The following IDH1 variants were observed in gnomAD, a reference collection of about 807,000 sequenced individuals.
The protein encoded by IDH1 is isocitrate dehydrogenase (NADP(+)) 1, also known as isocitrate dehydrogenase [NADP] cytoplasmic.
In IDH1, 33 loss-of-function variants were observed where a neutral mutation model predicts 46.1. The ratio of observed to expected loss-of-function variants is 0.72; its 90% CI spans 0.54 to 0.96. The LOEUF (loss-of-function observed/expected upper bound fraction) is 0.96. Among genes scored for constraint, IDH1 ranks in the 40% least tolerant of loss-of-function variants. The pLI, the probability that IDH1 is intolerant of heterozygous loss-of-function variation, is 0.00. For missense variants in IDH1, 421 were observed against 515.7 expected (o/e 0.82, Z 1.78); for synonymous variants, 144 against 172.8 (o/e 0.83, Z 1.31).
chr2:208,249,536 A>C (rs1688085188), intron 3 of IDH1, among the ~76,000 whole-genome samples: 3 of 152,246 alleles, frequency 2.0e-5, no homozygotes, highest in Admixed American at 1.3e-4. Context: ...GGGAGCATAG[A>C]AAATGACTGC....
At chr2:208,246,635 TA>T (rs369672159) in intron 4 of IDH1, among the ~76,000 whole-genome samples, 12 of 136,386 alleles carry the variant, frequency 8.8e-5, no homozygotes, top group Admixed American at 1.5e-4. Context: ...CCAAAATAAT[TA>T]AAAAAAAAAA....
Position 208,241,408 on chromosome 2 carries a change from T to C in IDH1, c.850+586A>G, listed in dbSNP as rs1413899916. On this transcript the variant is annotated intron_variant, in intron 7 of 9. Coordinates refer to ENST00000345146, the MANE Select transcript of IDH1 (RefSeq NM_005896.4). ...TGGCTAATTTTTTTTTTTTTTTTTT[T>C]TTGAAGTAGAGATGGGGTTTTGCTA... Among the ~76,000 whole-genome samples, 4 of 151,390 alleles carry C rather than the reference T, an allele frequency of 2.6e-5. No individual in the cohort carries two copies. In the East Asian group the frequency reaches 5.9e-4, roughly 22 times the overall value.
chr2:208,239,773 G>A, intron 8 of IDH1, 90 bp downstream of exon 8: 1 of 1,253,096 alleles, frequency 8.0e-7, no homozygotes, highest in Non-Finnish European at 1.2e-6. Context: ...TGATGACTTT[G>A]CACACAAAAC....
At chr2:208,249,312 C>G (rs758021435) in intron 3 of IDH1, among the ~76,000 whole-genome samples, 20 of 152,128 alleles carry the variant, frequency 1.3e-4, no homozygotes, top group Non-Finnish European at 2.6e-4. Flanking sequence ...GCCTCAGCCT[C>G]CCCAGTAGCG....
intron 9 of IDH1, among the ~76,000 whole-genome samples, chr2:208,238,464 C>A (rs769019424): frequency 7.2e-5 from 11 of 152,282 alleles, no homozygotes; most frequent in Middle Eastern, 3.4e-3. Context: ...GACAATCCCC[C>A]CAGGATACTG....
In IDH1 at chr2:208,237,080, T is replaced by C; in HGVS notation, c.1244A>G (p.Ter415=). Residue 415 remains the stop codon, a stop_retained_variant, in exon 10 of 10, where the codon TAA becomes TGA. Coordinates refer to ENST00000345146, the MANE Select transcript of IDH1 (RefSeq NM_005896.4). The part of the protein sequence containing the change: ...LKIKLAQAKL[*] Reference sequence around the variant, plus strand: ...ATCCTTCTTAGCTCAGGTATGAACTTAAAGTTTGGCCTGAGCTAGTTTGAT... The same window carrying C: ...ATCCTTCTTAGCTCAGGTATGAACTCAAAGTTTGGCCTGAGCTAGTTTGAT... 6.4e-7 allele frequency: 1 copy of C among 1,557,690 alleles called. No homozygotes were observed.
At chr2:208,237,839 T>C (rs1176303921) in intron 9 of IDH1, among the ~76,000 whole-genome samples, 1 of 149,332 alleles carries the variant, frequency 6.7e-6, no homozygotes, top group Non-Finnish European at 1.5e-5. Context: ...GGCAGAAGAA[T>C]CACTTGAACC....
rs2124849240 is a variant in IDH1, at chr2:208,240,022, G to A, written c.851-19C>T. ...CCATACCCTGTAAGTAGTGGAGCAT[G>A]AAGCGTTGGGTCCAACTGCATGAAG... is the stretch of plus-strand genomic sequence containing the variant. On this transcript the variant is annotated intron_variant, in intron 7 of 9. Transcript: ENST00000345146. The A allele has an allele frequency of 1.2e-6, 2 of 1,614,058 alleles. No homozygotes were observed. The highest frequency in any genetic ancestry group is 1.7e-6 in the Non-Finnish European group (2 of 1,179,922).
chr2:208,242,822 T>G lies in IDH1; in HGVS notation c.698+605A>C, dbSNP rs181621415. Reference sequence around the variant, plus strand: ...CTCTGTCGCCCAGGCTGCAGTGCAGTGGCGTGATTTCGGCTCACTGCAACC... The same window carrying G: ...CTCTGTCGCCCAGGCTGCAGTGCAGGGGCGTGATTTCGGCTCACTGCAACC... On this transcript the variant is annotated intron_variant, in intron 6 of 9. Coordinates refer to ENST00000345146, the MANE Select transcript of IDH1 (RefSeq NM_005896.4). Among the ~76,000 whole-genome samples, 164 of 151,918 alleles carry G rather than the reference T, an allele frequency of 1.1e-3. 1 individual carries two copies. Among genetic ancestry groups the G allele is most frequent in the African/African-American group, 3.9e-3 (160 of 41,444 alleles).
At chr2:208,249,590 A>C (rs1399690987) in intron 3 of IDH1, among the ~76,000 whole-genome samples, 1 of 152,230 alleles carries the variant, frequency 6.6e-6, no homozygotes, top group East Asian at 1.9e-4. Flanking sequence ...AAAAGCAAGA[A>C]AACAAAATAA....
In IDH1 at chr2:208,242,104, T is replaced by A. The variant is rs969824858; in HGVS notation, c.740A>T (p.Glu247Val). 3.7e-6 allele frequency: 6 copies of A among 1,613,962 alleles called. No homozygotes were observed. The highest frequency in any genetic ancestry group is 5.1e-6 in the Non-Finnish European group (6 of 1,179,958). The change falls in exon 7 of 10, where the codon GAG (glutamate) becomes GTG (valine). Residue 247 changes from glutamate to valine, a missense_variant. By Grantham distance (121) the Glu-to-Val change is moderately radical. Coordinates refer to ENST00000345146, the MANE Select transcript of IDH1 (RefSeq NM_005896.4). ...CACCATGTCGTCGATGAGCCTATGC[T>A]CATACCAGATCTTTTGAGCTTCAAA... is the stretch of plus-strand genomic sequence containing the variant. ...SQFEAQKIWY[E>V]HRLIDDMVAQ...
intron 5 of IDH1, among the ~76,000 whole-genome samples, chr2:208,244,800 T>C (rs746816068): frequency 7.2e-5 from 11 of 152,190 alleles, no homozygotes; most frequent in Non-Finnish European, 1.6e-4. Context: ...TCAACAACTT[T>C]TGGGTGGGAT....
Position 208,254,966 on chromosome 2 carries a change from T to C in IDH1, c.-118A>G, listed in dbSNP as rs1442585872. On this transcript the variant is annotated 5_prime_UTR_variant, in exon 1 of 10. Coordinates refer to ENST00000345146, the MANE Select transcript of IDH1 (RefSeq NM_005896.4). ...GCCGGGATGATATGCTGGCGAAGAG[T>C]TGGGGCGCCACAGCCGCTCACAAGC... is the stretch of plus-strand genomic sequence containing the variant. 2.6e-5 allele frequency: 4 copies of C among 152,208 alleles called. No individual in the cohort carries two copies. The highest frequency in any genetic ancestry group is 7.2e-5 in the African/African-American group (3 of 41,386). The allele number at this position is 152,208 out of a possible 1,614,324, so 9.4% of individuals were successfully genotyped here.
At chr2:208,243,398 AG>A (rs748795422) in intron 6 of IDH1, 28 bp downstream of exon 6, 1 of 1,541,778 alleles carries the variant, frequency 6.5e-7, no homozygotes, top group Non-Finnish European at 9.0e-7. Flanking sequence ...TTGAGAATAA[AG>A]AAAAAGTTAA....
chr2:208,248,144 GA>G (rs1004518060), intron 4 of IDH1: 62 of 573,436 alleles, frequency 1.1e-4, no homozygotes, highest in African/African-American at 4.9e-4. Context: ...CAGCATGTTT[GA>G]AAAAAAATGT....
intron 6 of IDH1, 40 bp from the exon 7 acceptor site, chr2:208,242,185 A>G (rs1290911735): frequency 1.9e-6 from 3 of 1,597,642 alleles, no homozygotes; most frequent in Non-Finnish European, 2.6e-6. Flanking sequence ...AATAAAGAAA[A>G]TTGATTTTGT....
In IDH1 at chr2:208,245,397, C is replaced by G. The variant is rs2124857553; in HGVS notation, c.442G>C (p.Gly148Arg). The change falls in exon 5 of 10, where the codon GGG (glycine) becomes CGG (arginine). Residue 148 changes from glycine to arginine, a missense_variant. Coordinates refer to ENST00000345146, the MANE Select transcript of IDH1 (RefSeq NM_005896.4). ...TAGGTTATCTCTACTTTTCCAGGCC[C>G]AGGAACAACAAAATCAGTTGCTCTG... ...QYRATDFVVP[G>R]PGKVEITYTP... is the part of the protein sequence containing the mutation. 6.2e-7 allele frequency: 1 copy of G among 1,611,352 alleles called. No individual in the cohort carries two copies. The highest frequency in any genetic ancestry group is 8.5e-7 in the Non-Finnish European group (1 of 1,178,366).
chr2:208,250,686 T>C (rs770486198), intron 3 of IDH1, among the ~76,000 whole-genome samples: 1 of 152,172 alleles, frequency 6.6e-6, no homozygotes, highest in Non-Finnish European at 1.5e-5. Context: ...GAGAATTACA[T>C]AGACTTTTGC....
At position 208,251,507 on chromosome 2, in the gene IDH1, T is replaced by C. The variant is rs1297452511; in HGVS notation, c.45A>G (p.Gly15=). Residue 15 remains glycine (G), a synonymous_variant, in exon 3 of 10, where the codon GGA becomes GGG. Transcript: ENST00000345146. ...ISGGSVVEMQ[G]DEMTRIIWEL... Reference sequence around the variant, plus strand: ...CCCAAATGATTCGTGTCATTTCATCTCCTTGCATCTCTACCACAGAACCGC... The same window carrying C: ...CCCAAATGATTCGTGTCATTTCATCCCCTTGCATCTCTACCACAGAACCGC... 1.2e-6 allele frequency: 2 copies of C among 1,613,796 alleles called. No homozygotes were observed. The highest frequency in any genetic ancestry group is 4.5e-5 in the East Asian group (2 of 44,872).
Sources: allele counts gnomAD v4.1 joint callset (sites outside exome capture counted in the v4.1 genomes callset), GRCh38; gene constraint gnomAD v4.1.1; transcripts MANE v1.5; gene names NCBI Gene and HGNC (gene_info 2026-07-23, HGNC 2026-07-21).